ATP8B4: variants seen among roughly 807,000 people sequenced by gnomAD.
The protein encoded by ATP8B4 is probable phospholipid-transporting ATPase IM.
Under a neutral mutation model 145.6 loss-of-function variants are expected in ATP8B4, and 133 were observed. The observed-to-expected ratio is 0.91, with a 90% CI of 0.79 to 1.05. The LOEUF (loss-of-function observed/expected upper bound fraction) is 1.05. Ranked by LOEUF, ATP8B4 falls within the 50% of genes least tolerant of loss-of-function variation. The probability of loss-of-function intolerance (pLI) is 0.00; values close to 1 mark genes in which losing one functional copy is unlikely to be tolerated. For synonymous variants in ATP8B4, 507 were observed against 492.9 expected, an observed-to-expected ratio of 1.03 and a Z score of -0.38; for missense variants, 1,458 against 1,425.2, an observed-to-expected ratio of 1.02 and a Z score of -0.37.
chr15:50,174,188 T>A (rs2044729466), intron 1 of ATP8B4, among the ~76,000 whole-genome samples: 1 of 152,080 alleles, frequency 6.6e-6, no homozygotes, highest in African/African-American at 2.4e-5. Context: ...GCCAGCATAA[T>A]ACTGAATGGG....
At chr15:50,039,201 A>G (rs28703097) in intron 5 of ATP8B4, among the ~76,000 whole-genome samples, 6 of 152,218 alleles carry the variant, frequency 3.9e-5, no homozygotes, top group African/African-American at 1.4e-4. Flanking sequence ...TCCCATGTGT[A>G]CTGAATGCTT....
At chr15:50,085,958 T>TTTACATATGATATATATC (rs1567331292) in intron 2 of ATP8B4, among the ~76,000 whole-genome samples, 1 of 29,238 alleles carries the variant, frequency 3.4e-5, no homozygotes, top group Admixed American at 4.4e-4. Flanking sequence ...ATATATCATA[T>TTTACATATGATATATATC]ATATTTATAT....
At chr15:50,012,099 A>G (rs1043704748) in intron 6 of ATP8B4, among the ~76,000 whole-genome samples, 7 of 152,178 alleles carry the variant, frequency 4.6e-5, no homozygotes, top group Non-Finnish European at 8.8e-5. Context: ...CCAGAATTCA[A>G]TCATTTTTCC....
chr15:50,030,440 G>A lies in ATP8B4; in HGVS notation c.362+8328C>T, dbSNP rs186911988. Among the ~76,000 whole-genome samples the A allele has an allele frequency of 2.6e-5, 4 of 152,200 alleles. No homozygotes were observed. The East Asian group carries it at 7.7e-4, about 29-fold the overall frequency. The stretch of plus-strand genomic sequence containing the variant: ...ATCAAACTACTTTGTGTAATAGGGG[G>A]GAGATCAATTTGAGGGGCCCCAGAC... On this transcript the variant is annotated intron_variant, in intron 6 of 27. Transcript: ENST00000284509.
chr15:50,084,399 A>T (rs901877987), intron 2 of ATP8B4, among the ~76,000 whole-genome samples: 3 of 152,174 alleles, frequency 2.0e-5, no homozygotes, highest in Non-Finnish European at 4.4e-5. Context: ...AAATGCTCAG[A>T]ATCGGCCACT....
intron 25 of ATP8B4, among the ~76,000 whole-genome samples, chr15:49,874,480 T>C (rs2034101300): frequency 6.6e-6 from 1 of 152,138 alleles, no homozygotes; most frequent in African/African-American, 2.4e-5. Context: ...CTAGGACCAC[T>C]ATTGTCCTTG....
intron 18 of ATP8B4, among the ~76,000 whole-genome samples, chr15:49,919,845 A>T (rs536723893): frequency 6.6e-6 from 1 of 152,324 alleles, no homozygotes; most frequent in East Asian, 1.9e-4. Flanking sequence ...TAGCACAGAT[A>T]TCATCAGAAT....
rs2037524773 is a variant in ATP8B4, at chr15:49,897,436, A to G, written c.2553T>C (p.Phe851=). The change falls in exon 23 of 28, where the codon TTT becomes TTC. Residue 851 remains phenylalanine (F), a synonymous_variant. Coordinates refer to ENST00000284509, the MANE Select transcript of ATP8B4 (RefSeq NM_024837.4). The part of the protein sequence containing the change: ...VLASDYSFAQ[F]RYLQRLLLVH... ...CAAGGAGAAGCCTTTGGAGATATCT[A>G]AACTGTGCAAATGAATAGTCGCTGG... 6.2e-7 allele frequency: 1 copy of G among 1,612,302 alleles called. No individual in the cohort carries two copies. Among genetic ancestry groups the G allele is most frequent in the Admixed American group, 1.7e-5 (1 of 59,684 alleles).
chr15:49,974,288 T>C (rs1344072215), intron 12 of ATP8B4, among the ~76,000 whole-genome samples: 1 of 151,934 alleles, frequency 6.6e-6, no homozygotes. Context: ...TCACTACTAC[T>C]ACTCGAACTA....
At chr15:50,099,024 C>T (rs190619562) in intron 2 of ATP8B4, among the ~76,000 whole-genome samples, 1 of 152,106 alleles carries the variant, frequency 6.6e-6, no homozygotes, top group Non-Finnish European at 1.5e-5. Context: ...TGCCTAGAGC[C>T]CACAGAAGAC....
intron 13 of ATP8B4, among the ~76,000 whole-genome samples, chr15:49,964,898 A>C (rs1330223787): frequency 1.3e-5 from 2 of 152,218 alleles, no homozygotes; most frequent in African/African-American, 2.4e-5. Context: ...GTGGCAAAAA[A>C]AATCCAAAAG....
chr15:50,122,517 G>A (rs908807846), upstream of ATP8B4, among the ~76,000 whole-genome samples: 2 of 142,376 alleles, frequency 1.4e-5, no homozygotes, highest in African/African-American at 5.3e-5. Flanking sequence ...GAAGTTTTAG[G>A]TTTTGTTGTG....
intron 4 of ATP8B4, among the ~76,000 whole-genome samples, chr15:50,046,544 A>C (rs984114707): frequency 2.6e-5 from 4 of 152,244 alleles, no homozygotes; most frequent in African/African-American, 9.6e-5. Flanking sequence ...CTGTCACTTG[A>C]AACATATTCT....
chr15:49,903,572 T>A (rs1011278689), intron 20 of ATP8B4, among the ~76,000 whole-genome samples: 14 of 152,206 alleles, frequency 9.2e-5, no homozygotes, highest in African/African-American at 3.4e-4. Flanking sequence ...GTCAGTCCTC[T>A]TAAGGCACTC....
chr15:49,931,446 T>A, intron 15 of ATP8B4, 139 bp from the exon 16 acceptor site: 1 of 786,744 alleles, frequency 1.3e-6, no homozygotes, highest in Non-Finnish European at 2.0e-6. Context: ...AGATCTTTTC[T>A]ACTCACCAAC....
At chr15:50,086,884 T>C (rs2055164231) in intron 2 of ATP8B4, among the ~76,000 whole-genome samples, 1 of 84,494 alleles carries the variant, frequency 1.2e-5, no homozygotes, top group Admixed American at 1.6e-4. Context: ...ATTTATTATA[T>C]ATAATAAAAT....
At position 49,948,209 on chromosome 15, in the gene ATP8B4, C is replaced by A. The variant is rs557869566; in HGVS notation, c.1287+13768G>T. On this transcript the variant is annotated intron_variant, in intron 14 of 27. Coordinates refer to ENST00000284509, the MANE Select transcript of ATP8B4 (RefSeq NM_024837.4). Reference sequence around the variant, plus strand: ...ATCCCAGCACTTTGGGAGGTCGAGGCGGCAGATCAGGAGGTCAGGAGTTCG... The same window carrying A: ...ATCCCAGCACTTTGGGAGGTCGAGGAGGCAGATCAGGAGGTCAGGAGTTCG... Among the ~76,000 whole-genome samples, 25 of 149,144 alleles carry A rather than the reference C, an allele frequency of 1.7e-4. No homozygotes were observed. In the South Asian group the frequency reaches 4.6e-3, roughly 28 times the overall value.
At chr15:49,974,127 A>C (rs2045448721) in intron 12 of ATP8B4, among the ~76,000 whole-genome samples, 1 of 145,836 alleles carries the variant, frequency 6.9e-6, no homozygotes, top group Admixed American at 6.9e-5. Context: ...TTGTTGCCTA[A>C]GCTGGAGTGC....
intron 5 of ATP8B4, among the ~76,000 whole-genome samples, chr15:50,040,945 C>T (rs58363245): frequency 1.2e-4 from 19 of 152,312 alleles, no homozygotes; most frequent in African/African-American, 3.8e-4. Context: ...CTCTTTCTGT[C>T]TTCCCAACAG....
Sources: gnomAD v4.1 joint callset for allele counts (sites outside exome capture counted in the v4.1 genomes callset) on GRCh38, gnomAD v4.1.1 for gene constraint, MANE v1.5 for transcripts, NCBI Gene and HGNC (gene_info 2026-07-23, HGNC 2026-07-21) for gene names.